Variants in PLPPR1 observed in about 807,000 individuals in gnomAD.
PLPPR1 encodes phospholipid phosphatase related 1.
PLPPR1 carries 10 observed loss-of-function variants against 33.1 expected under a neutral mutation model. That is an observed-to-expected ratio of 0.30 (90% CI 0.19 to 0.51). The LOEUF (loss-of-function observed/expected upper bound fraction) is 0.51, where lower values mean the gene tolerates loss of function less well. Among genes scored for constraint, PLPPR1 ranks in the 20% least tolerant of loss-of-function variants. PLPPR1 has a pLI of 0.97. For synonymous variants in PLPPR1, 151 were observed against 151.0 expected (o/e 1.00, Z 0.00); for missense variants, 304 against 408.1 (o/e 0.74, Z 2.20).
At chr9:101,040,744 CTTA>C (rs1830067453) in intron 1 of PLPPR1, among the ~76,000 whole-genome samples, 1 of 152,060 alleles carries the variant, frequency 6.6e-6, no homozygotes. Flanking sequence ...TGATAAATGC[CTTA>C]TTATTCATAT....
chr9:101,110,236 A>T (rs1831039154), intron 1 of PLPPR1, among the ~76,000 whole-genome samples: 1 of 152,150 alleles, frequency 6.6e-6, no homozygotes, highest in South Asian at 2.1e-4. Flanking sequence ...AGATTGAGTG[A>T]TAGATCTCAC....
chr9:101,243,050 GAAT>G (rs1451099204), intron 2 of PLPPR1, among the ~76,000 whole-genome samples: 1 of 152,004 alleles, frequency 6.6e-6, no homozygotes, highest in African/African-American at 2.4e-5. Context: ...ATGAAAGAAA[GAAT>G]AATTGTAGCA....
At chr9:101,119,692 C>A (rs1831156545) in intron 1 of PLPPR1, among the ~76,000 whole-genome samples, 4 of 152,226 alleles carry the variant, frequency 2.6e-5, no homozygotes, top group Admixed American at 2.6e-4. Context: ...ATACTTCTGC[C>A]TTCTGCAGAT....
Position 101,233,466 on chromosome 9 carries a change from G to A in PLPPR1, c.64-36414G>A, listed in dbSNP as rs1428862072. On this transcript the variant is annotated intron_variant, in intron 2 of 7. Coordinates refer to ENST00000374874, the MANE Select transcript of PLPPR1 (RefSeq NM_207299.2). Reference sequence around the variant, plus strand: ...CTACCAGAATGACCCAACGGGGATGGGAGTTGTCATGGCTTTAATGTTTGT... The same window carrying A: ...CTACCAGAATGACCCAACGGGGATGAGAGTTGTCATGGCTTTAATGTTTGT... Among the ~76,000 whole-genome samples, 4 of 151,922 alleles carry A rather than the reference G, an allele frequency of 2.6e-5. No homozygotes were observed. The East Asian group carries it at 7.7e-4, about 29-fold the overall frequency.
At chr9:101,319,387 A>G (rs1010873726) in intron 7 of PLPPR1, among the ~76,000 whole-genome samples, 1 of 151,884 alleles carries the variant, frequency 6.6e-6, no homozygotes, top group African/African-American at 2.4e-5. Context: ...CATGTTGGCC[A>G]GGCTGGTCTC....
At chr9:101,195,753 T>A (rs1371032445) in intron 2 of PLPPR1, among the ~76,000 whole-genome samples, 1 of 152,212 alleles carries the variant, frequency 6.6e-6, no homozygotes, top group East Asian at 1.9e-4. Context: ...GACCACCTTG[T>A]TCCTATGCTG....
intron 7 of PLPPR1, among the ~76,000 whole-genome samples, chr9:101,319,203 G>T (rs1382677057): frequency 6.6e-6 from 1 of 152,152 alleles, no homozygotes; most frequent in Non-Finnish European, 1.5e-5. Flanking sequence ...CTGAGATGGA[G>T]TCTCACTCTT....
At chr9:101,309,920 C>T (rs76286613) in intron 5 of PLPPR1, among the ~76,000 whole-genome samples, 51 of 152,312 alleles carry the variant, frequency 3.3e-4, no homozygotes, top group Non-Finnish European at 6.2e-4. Flanking sequence ...GCTCCAACAA[C>T]ATGCAGACCC....
intron 1 of PLPPR1, among the ~76,000 whole-genome samples, chr9:101,090,423 T>G (rs1040336586): frequency 1.3e-5 from 2 of 152,174 alleles, no homozygotes; most frequent in African/African-American, 4.8e-5. Flanking sequence ...GTTTGCTGAT[T>G]TAAAGATGAA....
At chr9:101,304,989 A>G (rs867354246) in intron 4 of PLPPR1, among the ~76,000 whole-genome samples, 8 of 138,174 alleles carry the variant, frequency 5.8e-5, no homozygotes, top group Non-Finnish European at 7.5e-5. Context: ...TACATTTAGG[A>G]AAAAAAAAGG....
At chr9:101,246,491 GAT>G (rs1223192676) in intron 2 of PLPPR1, among the ~76,000 whole-genome samples, 2 of 151,980 alleles carry the variant, frequency 1.3e-5, no homozygotes, top group Non-Finnish European at 2.9e-5. Flanking sequence ...CTTATTGGTA[GAT>G]ACTATTGTTT....
intron 4 of PLPPR1, among the ~76,000 whole-genome samples, chr9:101,300,629 C>G: frequency 6.6e-6 from 1 of 152,196 alleles, no homozygotes; most frequent in East Asian, 1.9e-4. Flanking sequence ...TTCAGATCAT[C>G]AGCTTCAGCT....
chr9:101,284,727 G>A (rs1828361507), intron 3 of PLPPR1, among the ~76,000 whole-genome samples: 1 of 152,094 alleles, frequency 6.6e-6, no homozygotes, highest in Non-Finnish European at 1.5e-5. Context: ...TGTTATCCAT[G>A]TGCCTTTCAT....
At chr9:101,100,657 G>T (rs1341006206) in intron 1 of PLPPR1, among the ~76,000 whole-genome samples, 2 of 151,424 alleles carry the variant, frequency 1.3e-5, no homozygotes, top group African/African-American at 4.9e-5. Flanking sequence ...TATGGGAGAA[G>T]CTCAAAGACA....
intron 2 of PLPPR1, among the ~76,000 whole-genome samples, chr9:101,249,928 C>T (rs1481273148): frequency 1.3e-5 from 2 of 152,028 alleles, no homozygotes; most frequent in African/African-American, 4.8e-5. Flanking sequence ...GAGATGATTG[C>T]TTTCCTTTCT....
chr9:101,052,179 T>C (rs1422063243), intron 1 of PLPPR1, among the ~76,000 whole-genome samples: 2 of 152,194 alleles, frequency 1.3e-5, no homozygotes, highest in Non-Finnish European at 2.9e-5. Context: ...CCATAGTGTA[T>C]TGAACATAAT....
At chr9:101,152,163 T>A (rs1831597474) in intron 1 of PLPPR1, among the ~76,000 whole-genome samples, 1 of 152,226 alleles carries the variant, frequency 6.6e-6, no homozygotes, top group African/African-American at 2.4e-5. Flanking sequence ...AATGAGCATT[T>A]TTTCATGTGT....
At chr9:101,088,518 T>C (rs1392240414) in intron 1 of PLPPR1, among the ~76,000 whole-genome samples, 1 of 152,160 alleles carries the variant, frequency 6.6e-6, no homozygotes, top group African/African-American at 2.4e-5. Context: ...ATGAATAGCA[T>C]AGAAGTTGAA....
chr9:101,143,855 T>C (rs769636982), intron 1 of PLPPR1, among the ~76,000 whole-genome samples: 2 of 152,208 alleles, frequency 1.3e-5, no homozygotes, highest in Non-Finnish European at 1.5e-5. Flanking sequence ...GTTCAACCAT[T>C]GTGGAAGACA....
Sources: allele counts gnomAD v4.1 joint callset (sites outside exome capture counted in the v4.1 genomes callset), GRCh38; gene constraint gnomAD v4.1.1; transcripts MANE v1.5; gene names NCBI Gene and HGNC (gene_info 2026-07-23, HGNC 2026-07-21).